The following PIP5K1B variants were observed in gnomAD, a reference collection of about 807,000 sequenced individuals.
PIP5K1B encodes the protein phosphatidylinositol 4-phosphate 5-kinase type-1 beta.
Under a neutral mutation model 67.0 loss-of-function variants are expected in PIP5K1B, and 42 were observed. The ratio of observed to expected loss-of-function variants is 0.63; its 90% CI spans 0.49 to 0.81. The LOEUF is 0.81. PIP5K1B is among the 30% of genes least tolerant of loss of function. The pLI, the probability that PIP5K1B is intolerant of heterozygous loss-of-function variation, is 0.00. For synonymous variants in PIP5K1B, 214 were observed against 231.4 expected, an observed-to-expected ratio of 0.92 and a Z score of 0.68; for missense variants, 459 against 646.3, an observed-to-expected ratio of 0.71 and a Z score of 3.14.
intron 4 of PIP5K1B, among the ~76,000 whole-genome samples, chr9:68,858,254 G>A (rs1006661786): frequency 4.6e-5 from 7 of 152,120 alleles, no homozygotes; most frequent in East Asian, 1.9e-4. Context: ...GATTACAGGC[G>A]TGAGCCACTG....
chr9:68,850,807 A>G (rs888591419), intron 4 of PIP5K1B, among the ~76,000 whole-genome samples: 4 of 152,322 alleles, frequency 2.6e-5, no homozygotes, highest in African/African-American at 7.2e-5. Context: ...AACAATTTTT[A>G]TTTGAATACA....
chr9:68,706,170 G>A (rs1827113160), intron 1 of PIP5K1B: 1 of 152,412 alleles, frequency 6.6e-6, no homozygotes, highest in South Asian at 2.1e-4. Flanking sequence ...TCTCAAGAGG[G>A]GCTTGCGAGT....
chr9:68,986,410 C>A (rs1247355885), intron 14 of PIP5K1B, among the ~76,000 whole-genome samples: 1 of 152,052 alleles, frequency 6.6e-6, no homozygotes, highest in Non-Finnish European at 1.5e-5. Context: ...TCTCCAGATT[C>A]TTTGCTCATT....
intron 2 of PIP5K1B, among the ~76,000 whole-genome samples, chr9:68,753,342 A>ATTT (rs398010785): frequency 0.012 from 1,623 of 133,858 alleles, 23 homozygotes; most frequent in South Asian, 0.022. Context: ...CATTTTCTTG[A>ATTT]TTTTTTTTTT....
intron 1 of PIP5K1B, among the ~76,000 whole-genome samples, chr9:68,722,632 T>C (rs945656968): frequency 9.3e-5 from 14 of 150,570 alleles, no homozygotes; most frequent in African/African-American, 3.4e-4. Context: ...ATTATAATTA[T>C]TAATTAATTT....
At chr9:69,007,799 G>A (rs746439593) in intron 15 of PIP5K1B, among the ~76,000 whole-genome samples, 3 of 152,038 alleles carry the variant, frequency 2.0e-5, no homozygotes, top group African/African-American at 7.2e-5. Flanking sequence ...AGAGGTTGCG[G>A]TGAGCTGAGA....
intron 1 of PIP5K1B, among the ~76,000 whole-genome samples, chr9:68,719,133 A>G (rs1827765783): frequency 1.3e-5 from 2 of 152,170 alleles, no homozygotes; most frequent in Admixed American, 1.3e-4. Flanking sequence ...GGTTGTTCAG[A>G]TAAAGTGATA....
At chr9:68,923,107 G>A (rs928250496) in intron 11 of PIP5K1B, among the ~76,000 whole-genome samples, 195 bp from the exon 12 acceptor site, 2 of 152,040 alleles carry the variant, frequency 1.3e-5, no homozygotes, top group African/African-American at 2.4e-5. Context: ...TCTTTGTTCC[G>A]ATTGAGTCTG....
At chr9:68,745,838 C>A (rs951199499) in intron 2 of PIP5K1B, among the ~76,000 whole-genome samples, 1 of 152,166 alleles carries the variant, frequency 6.6e-6, no homozygotes, top group South Asian at 2.1e-4. Context: ...TTATTTCCCT[C>A]ACAGTACATC....
At chr9:68,877,433 T>G (rs924474949) in intron 6 of PIP5K1B, among the ~76,000 whole-genome samples, 2 of 152,220 alleles carry the variant, frequency 1.3e-5, no homozygotes, top group Admixed American at 6.5e-5. Flanking sequence ...AGCCAGGAAC[T>G]TTCTGTTACA....
intron 14 of PIP5K1B, among the ~76,000 whole-genome samples, chr9:68,980,243 T>G (rs1417117528): frequency 6.6e-6 from 1 of 152,222 alleles, no homozygotes; most frequent in Non-Finnish European, 1.5e-5. Flanking sequence ...CACAAGGTGT[T>G]GGTTTGACCA....
chr9:68,896,415 T>G (rs973031780), intron 8 of PIP5K1B, among the ~76,000 whole-genome samples: 4 of 152,132 alleles, frequency 2.6e-5, no homozygotes, highest in African/African-American at 9.7e-5. Flanking sequence ...TAGTGTTTCC[T>G]GAGCTCAGGA....
intron 6 of PIP5K1B, among the ~76,000 whole-genome samples, chr9:68,884,016 G>T (rs1265255394): frequency 2.0e-5 from 3 of 152,142 alleles, no homozygotes; most frequent in Non-Finnish European, 4.4e-5. Context: ...ATGGATTAAA[G>T]TCTTAAATGG....
intron 2 of PIP5K1B, among the ~76,000 whole-genome samples, chr9:68,764,854 C>T (rs1830356693): frequency 1.3e-5 from 2 of 151,886 alleles, no homozygotes. Flanking sequence ...ATTGTAATTA[C>T]CTTGATTTCC....
chr9:68,730,675 G>A (rs1265368659), intron 1 of PIP5K1B, among the ~76,000 whole-genome samples: 2 of 152,306 alleles, frequency 1.3e-5, no homozygotes, highest in South Asian at 4.1e-4. Context: ...AGAAGTCACT[G>A]TAGTGGACTT....
intron 2 of PIP5K1B, among the ~76,000 whole-genome samples, chr9:68,765,057 C>T (rs1048278825): frequency 6.6e-6 from 1 of 152,028 alleles, no homozygotes; most frequent in African/African-American, 2.4e-5. Flanking sequence ...AGTCACTGCT[C>T]ATTATCTTGA....
In PIP5K1B at chr9:69,008,569, T is replaced by A; in HGVS notation, c.*120T>A. The A allele has an allele frequency of 1.0e-6, 1 of 955,766 alleles. No individual in the cohort carries two copies. The highest frequency in any genetic ancestry group is 1.7e-6 in the Non-Finnish European group (1 of 585,616). The allele number at this position is 955,766 out of a possible 1,614,324, so 59.2% of individuals were successfully genotyped here. ...CTGAGCCCCACTACACACAGAGAAATCATCAACCTGACTTAAGAGTTTTCA... is the reference window on the plus strand; with the variant it reads ...CTGAGCCCCACTACACACAGAGAAAACATCAACCTGACTTAAGAGTTTTCA... On this transcript the variant is annotated 3_prime_UTR_variant, in exon 16 of 16. Coordinates refer to ENST00000265382, the MANE Select transcript of PIP5K1B (RefSeq NM_003558.4).
intron 12 of PIP5K1B, among the ~76,000 whole-genome samples, chr9:68,927,432 T>G (rs747743013): frequency 2.0e-5 from 3 of 152,224 alleles, no homozygotes; most frequent in Non-Finnish European, 4.4e-5. Context: ...CACTGACATA[T>G]GTTATTGCCT....
intron 7 of PIP5K1B, among the ~76,000 whole-genome samples, chr9:68,892,857 G>T (rs1023713430): frequency 6.6e-6 from 1 of 152,140 alleles, no homozygotes; most frequent in Non-Finnish European, 1.5e-5. Context: ...GATCACTTGA[G>T]GTCAGGAGTT....
Sources: gnomAD v4.1 joint callset for allele counts (sites outside exome capture counted in the v4.1 genomes callset) on GRCh38, gnomAD v4.1.1 for gene constraint, MANE v1.5 for transcripts, NCBI Gene and HGNC (gene_info 2026-07-23, HGNC 2026-07-21) for gene names.